Variants in MYCBP2 observed in about 807,000 individuals in gnomAD.
MYCBP2 encodes MYC binding protein 2.
In MYCBP2, 120 loss-of-function variants were observed where a neutral mutation model predicts 525.3. The ratio of observed to expected loss-of-function variants is 0.23; its 90% CI spans 0.20 to 0.27. The LOEUF (loss-of-function observed/expected upper bound fraction) is 0.27. Ranked by LOEUF, MYCBP2 falls within the 10% of genes least tolerant of loss-of-function variation. The probability of loss-of-function intolerance (pLI) is 1.00; values close to 1 mark genes in which losing one functional copy is unlikely to be tolerated. For missense variants in MYCBP2, 4,149 were observed against 5,657.1 expected (o/e 0.73, Z 8.55); for synonymous variants, 1,894 against 1,955.8 (o/e 0.97, Z 0.83).
rs1236144240 is a variant in MYCBP2 at position 77,072,124 on chromosome 13, T to TA, written c.11824-1414dup. Among the ~76,000 whole-genome samples the TA allele has an allele frequency of 1.0e-4, 15 of 150,634 alleles. 1 individual carries two copies. In the East Asian group the frequency reaches 1.6e-3, roughly 16 times the overall value. On this transcript the variant is annotated intron_variant, in intron 68 of 82. Coordinates refer to ENST00000544440, the MANE Select transcript of MYCBP2 (RefSeq NM_015057.5). Reference sequence around the variant, plus strand: ...TAACGTGGTGAAACCCCATCTCTACTAAAAAAAATACAAAAAATTAGCTGG... The same window carrying TA: ...TAACGTGGTGAAACCCCATCTCTACTAAAAAAAAATACAAAAAATTAGCTGG...
Position 77,225,508 on chromosome 13 carries a change from T to G in MYCBP2, c.2784A>C (p.Thr928=), listed in dbSNP as rs758184809. 2 of 1,613,652 alleles carry G rather than the reference T, an allele frequency of 1.2e-6. No individual in the cohort carries two copies. The highest frequency in any genetic ancestry group is 1.1e-5 in the South Asian group (1 of 91,058). The change falls in exon 19 of 83, where the codon ACA becomes ACC. Residue 928 remains threonine (T), a synonymous_variant. Coordinates refer to ENST00000544440, the MANE Select transcript of MYCBP2 (RefSeq NM_015057.5). ...CAAATCGCACAGAGCCTGGAGGGTA[T>G]GTTGTGATTTTGCTTGCATCCTTTT... ...RGEKDASKIT[T]YPPGSVRFDC...
intron 52 of MYCBP2, chr13:77,129,281 G>T: frequency 2.5e-6 from 1 of 396,462 alleles, no homozygotes; most frequent in African/African-American, 2.1e-5. Context: ...AAGGGAACAG[G>T]ATATCATCTG....
intron 43 of MYCBP2, among the ~76,000 whole-genome samples, chr13:77,163,186 A>G (rs1293498962): frequency 6.6e-6 from 1 of 152,166 alleles, no homozygotes; most frequent in Non-Finnish European, 1.5e-5. Flanking sequence ...CCACCCTTCA[A>G]CATACACTTT....
chr13:77,262,023 C>A, intron 11 of MYCBP2, 30 bp downstream of exon 11: 1 of 1,566,618 alleles, frequency 6.4e-7, no homozygotes, highest in East Asian at 2.3e-5. Context: ...TCAGAGAATG[C>A]TCATTTTTAA....
chr13:77,261,018 T>C (rs970219593), intron 12 of MYCBP2, among the ~76,000 whole-genome samples, 153 bp downstream of exon 12: 3 of 152,198 alleles, frequency 2.0e-5, no homozygotes, highest in African/African-American at 7.2e-5. Flanking sequence ...TCATTCAATA[T>C]GTATTTATTA....
intron 45 of MYCBP2, among the ~76,000 whole-genome samples, chr13:77,156,633 T>G (rs906793643): frequency 2.6e-5 from 4 of 152,192 alleles, no homozygotes; most frequent in African/African-American, 9.6e-5. Flanking sequence ...GAAATGGCCC[T>G]CTACTTGCCT....
intron 79 of MYCBP2, among the ~76,000 whole-genome samples, chr13:77,056,158 G>A (rs1257622699): frequency 7.4e-6 from 1 of 135,748 alleles, no homozygotes; most frequent in Non-Finnish European, 1.6e-5. Context: ...GTGTGTGTGT[G>A]TTTTGCTTCC....
At chr13:77,119,459 C>CT (rs915612997) in intron 55 of MYCBP2, among the ~76,000 whole-genome samples, 6 of 151,600 alleles carry the variant, frequency 4.0e-5, no homozygotes, top group Admixed American at 2.0e-4. Flanking sequence ...AGCCATATAT[C>CT]TTTTTTTGAA....
At position 77,140,899 on chromosome 13, in the gene MYCBP2, T is replaced by C; in HGVS notation, c.7348A>G (p.Ile2450Val). The change falls in exon 50 of 83, where the codon ATA (isoleucine) becomes GTA (valine). Residue 2450 changes from isoleucine (I) to valine (V), a missense_variant. By Grantham distance (29) the Ile-to-Val change is conservative. Transcript: ENST00000544440. ...VKVKDPPKGMIPPGTQLVKPK... is the reference protein window; with the variant it reads ...VKVKDPPKGMVPPGTQLVKPK... ...TTGACCAACTGAGTTCCTGGTGGTATCATCCCTTTTGGTGGGTCTTTTACT... is the reference window on the plus strand; with the variant it reads ...TTGACCAACTGAGTTCCTGGTGGTACCATCCCTTTTGGTGGGTCTTTTACT... 6.2e-7 allele frequency: 1 copy of C among 1,613,170 alleles called. No individual in the cohort carries two copies. Among genetic ancestry groups the C allele is most frequent in the Non-Finnish European group, 8.5e-7 (1 of 1,179,776 alleles).
chr13:77,165,526 G>A (rs2274548), intron 41 of MYCBP2, 135 bp from the exon 42 acceptor site: 119,595 of 634,090 alleles, frequency 0.19, 13,283 homozygotes, highest in South Asian at 0.38. Flanking sequence ...AACTTAAATA[G>A]ACTTGCGGCG....
At chr13:77,270,161 C>A in intron 6 of MYCBP2, 98 bp from the exon 7 acceptor site, 1 of 1,432,528 alleles carries the variant, frequency 7.0e-7, no homozygotes, top group Non-Finnish European at 9.5e-7. Flanking sequence ...GCATGTATTT[C>A]AATTATGGTT....
chr13:77,203,150 C>T (rs1593838187), intron 26 of MYCBP2, among the ~76,000 whole-genome samples: 1 of 152,268 alleles, frequency 6.6e-6, no homozygotes, highest in African/African-American at 2.4e-5. Flanking sequence ...AAAACCCCAT[C>T]ATCTCAGCCC....
Position 77,212,071 on chromosome 13 carries a change from T to C in MYCBP2, c.3147A>G (p.Arg1049=), listed in dbSNP as rs1258634559. The C allele has an allele frequency of 3.1e-6, 5 of 1,614,014 alleles. No homozygotes were observed. The highest frequency in any genetic ancestry group is 4.2e-6 in the Non-Finnish European group (5 of 1,179,996). Residue 1049 remains arginine (R), a synonymous_variant, in exon 22 of 83, where the codon AGA becomes AGG. Transcript: ENST00000544440. ...PMPNIGSKYG[R]KATWIGASGD... ...CACTTGCACCTATCCAAGTAGCTTTTCTTCCATATTTTGATCCAATGTTAG... is the reference window on the plus strand; with the variant it reads ...CACTTGCACCTATCCAAGTAGCTTTCCTTCCATATTTTGATCCAATGTTAG...
intron 51 of MYCBP2, 140 bp downstream of exon 51, chr13:77,139,906 CA>C (rs2154182315): frequency 1.9e-6 from 1 of 535,828 alleles, no homozygotes; most frequent in African/African-American, 1.9e-5. Context: ...TCAATGAACA[CA>C]TTCTATAAAA....
At chr13:77,284,890 A>T (rs933712259) in intron 3 of MYCBP2, among the ~76,000 whole-genome samples, 3 of 152,214 alleles carry the variant, frequency 2.0e-5, no homozygotes, top group Non-Finnish European at 4.4e-5. Context: ...GATGTGTCAA[A>T]TAACTTCCAG....
intron 80 of MYCBP2, among the ~76,000 whole-genome samples, chr13:77,055,280 A>G (rs971809033): frequency 6.6e-6 from 1 of 152,158 alleles, no homozygotes; most frequent in Non-Finnish European, 1.5e-5. Context: ...TTATTCGAGA[A>G]GGAATTGCCC....
At chr13:77,199,482 C>T (rs2062192437) in intron 26 of MYCBP2, among the ~76,000 whole-genome samples, 1 of 152,258 alleles carries the variant, frequency 6.6e-6, no homozygotes, top group Admixed American at 6.5e-5. Context: ...CCCGCCATTG[C>T]CCAGGCTTGC....
rs1431156324 is a variant in MYCBP2 at position 77,326,996 on chromosome 13, C to T, written c.-221G>A. 4.5e-6 allele frequency: 2 copies of T among 449,036 alleles called. No individual in the cohort carries two copies. The highest frequency in any genetic ancestry group is 6.6e-5 in the South Asian group (1 of 15,204). 27.8% of individuals were successfully genotyped at this position (449,036 alleles called of 1,614,324 possible). A position where few individuals can be genotyped will look rare whatever the true frequency, so the allele number is the denominator to read the frequency against. ...GCTACTGGGGCCGCTCATCTAACCCCGCCACCCCGGGAATGTGAGGAGGAG... is the reference window on the plus strand; with the variant it reads ...GCTACTGGGGCCGCTCATCTAACCCTGCCACCCCGGGAATGTGAGGAGGAG... On this transcript the variant is annotated 5_prime_UTR_variant, in exon 1 of 83. Coordinates refer to ENST00000544440, the MANE Select transcript of MYCBP2 (RefSeq NM_015057.5). The surrounding 1 kb of genome is among the most constrained non-coding windows in gnomAD (Gnocchi z 4.2).
chr13:77,236,557 T>C (rs147236415), intron 17 of MYCBP2, among the ~76,000 whole-genome samples: 1 of 152,330 alleles, frequency 6.6e-6, no homozygotes, highest in African/African-American at 2.4e-5. Flanking sequence ...TTATTCATTA[T>C]AGCAACATTT....
Sources: allele counts gnomAD v4.1 joint callset (sites outside exome capture counted in the v4.1 genomes callset), GRCh38; gene constraint gnomAD v4.1.1; non-coding constraint Gnocchi (gnomAD v3.1); transcripts MANE v1.5; gene names NCBI Gene and HGNC (gene_info 2026-07-23, HGNC 2026-07-21).